RPA3: variants seen among roughly 807,000 people sequenced by gnomAD.
The protein encoded by RPA3 is replication protein A3.
Under a neutral mutation model 13.7 loss-of-function variants are expected in RPA3, and 24 were observed. The ratio of observed to expected loss-of-function variants is 1.75; its 90% CI spans 1.27 to 2.46. RPA3 has a LOEUF of 2.46. Among genes scored for constraint, RPA3 ranks in the 30% most tolerant of loss-of-function variants. The pLI is 0.00. For synonymous variants in RPA3, 59 were observed against 51.2 expected (o/e 1.15, Z -0.65); for missense variants, 183 against 151.0 (o/e 1.21, Z -1.11).
At chr7:7,678,682 TA>T (rs1345463321) in intron 4 of RPA3, among the ~76,000 whole-genome samples, 4 of 104,374 alleles carry the variant, frequency 3.8e-5, no homozygotes, top group Non-Finnish European at 7.2e-5. Context: ...TATATTTATA[TA>T]TTTAGTTTAT....
intron 1 of RPA3, among the ~76,000 whole-genome samples, chr7:7,716,435 C>T (rs1306384864): frequency 6.6e-6 from 1 of 152,168 alleles, no homozygotes; most frequent in Non-Finnish European, 1.5e-5. Context: ...AAAAGAGCAG[C>T]CTGAAAGATC....
Position 7,700,573 on chromosome 7 carries a change from C to CAACA in RPA3, c.-1027-13249_-1027-13246dup, listed in dbSNP as rs529757342. ...GACCCCCATCTCTACAAAATAAAAACAACAAACAAACAAACAAACAAAAAC... is the reference window on the plus strand; with the variant it reads ...GACCCCCATCTCTACAAAATAAAAACAACAAACAAACAAACAAACAAACAAAAAC... On this transcript the variant is annotated intron_variant, in intron 2 of 7. Transcript: ENST00000223129. Among the ~76,000 whole-genome samples, 6 of 151,892 alleles carry CAACA rather than the reference C, an allele frequency of 4.0e-5. No homozygotes were observed. The East Asian group carries it at 5.8e-4, about 15-fold the overall frequency.
At chr7:7,671,506 A>G (rs930885004) in intron 4 of RPA3, among the ~76,000 whole-genome samples, 17 of 152,160 alleles carry the variant, frequency 1.1e-4, no homozygotes, top group Non-Finnish European at 7.4e-5. Context: ...GTTGTTCCTT[A>G]AAGGCCTTCT....
chr7:7,702,958 T>C (rs557533202), intron 2 of RPA3, among the ~76,000 whole-genome samples: 21 of 152,348 alleles, frequency 1.4e-4, no homozygotes, highest in African/African-American at 4.8e-4. Context: ...TCTCCAGTCC[T>C]GTTGTCGTGT....
chr7:7,688,343 C>A (rs912577426), intron 2 of RPA3, among the ~76,000 whole-genome samples: 1 of 152,042 alleles, frequency 6.6e-6, no homozygotes, highest in Non-Finnish European at 1.5e-5. Flanking sequence ...ACTAGTTTGG[C>A]GTCAGAAAGT....
intron 4 of RPA3, among the ~76,000 whole-genome samples, chr7:7,667,665 G>A (rs1052906441): frequency 6.6e-6 from 1 of 152,190 alleles, no homozygotes; most frequent in Non-Finnish European, 1.5e-5. Context: ...TGTCTTCACA[G>A]CATAGAGCTG....
chr7:7,647,667 G>C (rs913530822), intron 4 of RPA3, among the ~76,000 whole-genome samples: 1 of 152,186 alleles, frequency 6.6e-6, no homozygotes, highest in Non-Finnish European at 1.5e-5. Flanking sequence ...GACTGCAGTG[G>C]CGTGATTGTG....
chr7:7,660,709 C>T (rs1785453619), intron 4 of RPA3, among the ~76,000 whole-genome samples: 1 of 152,206 alleles, frequency 6.6e-6, no homozygotes, highest in Admixed American at 6.5e-5. Flanking sequence ...GGTAACCCAG[C>T]CTTTCTCTCT....
At chr7:7,647,468 C>T (rs1785122667) in intron 4 of RPA3, among the ~76,000 whole-genome samples, 1 of 152,130 alleles carries the variant, frequency 6.6e-6, no homozygotes, top group Non-Finnish European at 1.5e-5. Context: ...TTGTTGGATC[C>T]AGTGTGTAAA....
chr7:7,640,589 G>A lies in RPA3; in HGVS notation c.-171C>T. The A allele has an allele frequency of 1.6e-6, 1 of 632,346 alleles. No homozygotes were observed. Among genetic ancestry groups the A allele is most frequent in the South Asian group, 1.8e-5 (1 of 55,070 alleles). 39.2% of individuals were successfully genotyped at this position (632,346 alleles called of 1,614,324 possible). A position where few individuals can be genotyped will look rare whatever the true frequency, so the allele number is the denominator to read the frequency against. On this transcript the variant is annotated 5_prime_UTR_variant, in exon 5 of 8. Transcript: ENST00000223129. ...ATCGCAATCGCGCTGTCTCTGAAAG[G>A]GGTGGAGAAGGGGCTGGATGAGTCC...
rs757852114 is a variant in RPA3 at position 7,673,346 on chromosome 7, CA to C, written c.-758+12483del. 15 of 1,273,306 alleles carry C rather than the reference CA, an allele frequency of 1.2e-5. No homozygotes were observed. In the South Asian group the frequency reaches 1.5e-4, roughly 13 times the overall value. 78.9% of individuals were successfully genotyped at this position (1,273,306 alleles called of 1,614,324 possible). A position where few individuals can be genotyped will look rare whatever the true frequency, so the allele number is the denominator to read the frequency against. On this transcript the variant is annotated intron_variant, in intron 4 of 7. Coordinates refer to ENST00000223129, the MANE Select transcript of RPA3 (RefSeq NM_002947.5). ...GCAGCAGCAGCAGCAGCAGCAGCAG[CA>C]GCAGCAGCAGCAGCAGCAGCAGCAA...
At chr7:7,689,933 A>G (rs1780135007) in intron 2 of RPA3, among the ~76,000 whole-genome samples, 3 of 152,162 alleles carry the variant, frequency 2.0e-5, no homozygotes, top group Non-Finnish European at 4.4e-5. Flanking sequence ...TGCTCACATA[A>G]TAGTTTGCTA....
chr7:7,696,533 G>A (rs1289993847), intron 2 of RPA3, among the ~76,000 whole-genome samples: 3 of 152,160 alleles, frequency 2.0e-5, no homozygotes, highest in African/African-American at 7.2e-5. Flanking sequence ...AAATTCAGAT[G>A]TCATTTGATC....
chr7:7,673,793 C>A (rs991270339), intron 4 of RPA3, among the ~76,000 whole-genome samples: 1 of 151,566 alleles, frequency 6.6e-6, no homozygotes, highest in Non-Finnish European at 1.5e-5. Flanking sequence ...TAGTACTAAC[C>A]TTGTTTCATA....
chr7:7,661,308 C>G (rs1409754667), intron 4 of RPA3, among the ~76,000 whole-genome samples: 1 of 152,140 alleles, frequency 6.6e-6, no homozygotes, highest in South Asian at 2.1e-4. Flanking sequence ...TCTCTGAAGC[C>G]TCCTTCTTTC....
Position 7,640,620 on chromosome 7 carries a change from T to C in RPA3, c.-202A>G. 1 of 577,422 alleles carries C rather than the reference T, an allele frequency of 1.7e-6. No homozygotes were observed. Among genetic ancestry groups the C allele is most frequent in the East Asian group, 3.0e-5 (1 of 33,532 alleles). 35.8% of individuals were successfully genotyped at this position (577,422 alleles called of 1,614,324 possible). A position where few individuals can be genotyped will look rare whatever the true frequency, so the allele number is the denominator to read the frequency against. ...AGAAGGGGCTGGATGAGTCCGGAAG[T>C]GGAGATTGGCTGCTTAGTGACGCGC... On this transcript the variant is annotated 5_prime_UTR_variant, in exon 5 of 8. Transcript: ENST00000223129.
chr7:7,717,057 T>TTTA, intron 1 of RPA3, among the ~76,000 whole-genome samples: 1 of 144,994 alleles, frequency 6.9e-6, no homozygotes, highest in African/African-American at 2.8e-5. Flanking sequence ...TCTTTCTTTT[T>TTTA]TTCTTTTTTT....
chr7:7,690,909 T>G (rs1434246751), intron 2 of RPA3, among the ~76,000 whole-genome samples: 3 of 152,212 alleles, frequency 2.0e-5, no homozygotes, highest in African/African-American at 7.2e-5. Context: ...ATACATCAAA[T>G]ATATTTTAAT....
At chr7:7,691,351 T>G (rs1186514391) in intron 2 of RPA3, among the ~76,000 whole-genome samples, 1 of 152,210 alleles carries the variant, frequency 6.6e-6, no homozygotes, top group African/African-American at 2.4e-5. Flanking sequence ...TCATCATTAT[T>G]TTATATTCAA....
Sources: allele counts gnomAD v4.1 joint callset (sites outside exome capture counted in the v4.1 genomes callset), GRCh38; gene constraint gnomAD v4.1.1; transcripts MANE v1.5; gene names NCBI Gene and HGNC (gene_info 2026-07-23, HGNC 2026-07-21).